The following LAPTM4B variants were observed in gnomAD, a reference collection of about 807,000 sequenced individuals.
The protein encoded by LAPTM4B is lysosomal protein transmembrane 4 beta.
In LAPTM4B, 26 loss-of-function variants were observed where a neutral mutation model predicts 28.5. That is an observed-to-expected ratio of 0.91 (90% CI 0.67 to 1.27). The LOEUF (loss-of-function observed/expected upper bound fraction) is 1.27. LAPTM4B is among the 50% of genes most tolerant of loss of function. LAPTM4B has a pLI of 0.00. For synonymous variants in LAPTM4B, 109 were observed against 106.4 expected (o/e 1.02, Z -0.15); for missense variants, 288 against 285.8 (o/e 1.01, Z -0.06).
intron 5 of LAPTM4B, among the ~76,000 whole-genome samples, chr8:97,820,625 T>G (rs1816988802): frequency 6.6e-6 from 1 of 152,122 alleles, no homozygotes; most frequent in South Asian, 2.1e-4. Context: ...CCCAACACTT[T>G]GGGAGGCTGA....
intron 1 of LAPTM4B, among the ~76,000 whole-genome samples, chr8:97,776,382 C>T (rs1331250837): frequency 6.6e-6 from 1 of 152,202 alleles, no homozygotes; most frequent in Non-Finnish European, 1.5e-5. Flanking sequence ...GGTCGCCGAT[C>T]TCCAGCCTCC....
rs1554588214 is a variant in LAPTM4B at position 97,775,937 on chromosome 8, C to CGGCGGGCTCCTGGCGA, written c.-63_-62insTGGCGAGGCGGGCTCC. 4.8e-6 allele frequency: 7 copies of CGGCGGGCTCCTGGCGA among 1,451,612 alleles called. No homozygotes were observed. The highest frequency in any genetic ancestry group is 5.4e-5 in the Admixed American group (2 of 37,052). The allele number at this position is 1,451,612 out of a possible 1,614,324, so 89.9% of individuals were successfully genotyped here. A position where few individuals can be genotyped will look rare whatever the true frequency, so the allele number is the denominator to read the frequency against. Reference sequence around the variant, plus strand: ...GGCGGAGGAGCCGGCAGCAGCGGCGCGGCGGGCTCCAGGCGAGGCGGTCGA... The same window carrying CGGCGGGCTCCTGGCGA: ...GGCGGAGGAGCCGGCAGCAGCGGCGCGGCGGGCTCCTGGCGAGGCGGGCTCCAGGCGAGGCGGTCGA... On this transcript the variant is annotated 5_prime_UTR_variant, in exon 1 of 7. Transcript: ENST00000521545.
intron 1 of LAPTM4B, among the ~76,000 whole-genome samples, chr8:97,792,558 C>T (rs1425303461): frequency 6.6e-6 from 1 of 151,908 alleles, no homozygotes; most frequent in Non-Finnish European, 1.5e-5. Flanking sequence ...CCTAGCCTAA[C>T]AGTCAATTTT....
chr8:97,775,952 G>C lies in LAPTM4B; in HGVS notation c.-58G>C, dbSNP rs530968796. ...AGCAGCGGCGCGGCGGGCTCCAGGC[G>C]AGGCGGTCGACGCTCCTGAAAACTT... On this transcript the variant is annotated 5_prime_UTR_variant, in exon 1 of 7. Transcript: ENST00000521545. 1 of 1,506,512 alleles carries C rather than the reference G, an allele frequency of 6.6e-7. No individual in the cohort carries two copies. The highest frequency in any genetic ancestry group is 2.9e-5 in the East Asian group (1 of 35,008). 93.3% of individuals were successfully genotyped at this position (1,506,512 alleles called of 1,614,324 possible).
At chr8:97,798,936 A>G (rs991465895) in intron 1 of LAPTM4B, among the ~76,000 whole-genome samples, 16 of 152,370 alleles carry the variant, frequency 1.1e-4, no homozygotes, top group South Asian at 2.1e-4. Context: ...CGACGTCGTC[A>G]TAGTCCTTCC....
Position 97,851,672 on chromosome 8 carries a change from A to G in LAPTM4B, c.*198A>G, listed in dbSNP as rs369877825. On this transcript the variant is annotated 3_prime_UTR_variant, in exon 7 of 7. Coordinates refer to ENST00000521545, the MANE Select transcript of LAPTM4B (RefSeq NM_018407.6). ...TGGAACACTGTGATAGATTAACTGT[A>G]GAATTCTTCCTGTACGATTGGGGAT... 2.7e-4 allele frequency: 160 copies of G among 596,452 alleles called. No homozygotes were observed. The African/African-American group carries it at 2.7e-3, about 10-fold the overall frequency. The allele number at this position is 596,452 out of a possible 1,614,324, so 36.9% of individuals were successfully genotyped here. A position where few individuals can be genotyped will look rare whatever the true frequency, so the allele number is the denominator to read the frequency against.
intron 6 of LAPTM4B, among the ~76,000 whole-genome samples, chr8:97,849,828 C>G (rs546290265): frequency 2.6e-5 from 4 of 152,014 alleles, no homozygotes; most frequent in South Asian, 2.1e-4. Context: ...GCCTGCCCGC[C>G]CCCGGTTCCT....
chr8:97,797,072 G>A (rs558672341), intron 1 of LAPTM4B, among the ~76,000 whole-genome samples: 49 of 152,148 alleles, frequency 3.2e-4, no homozygotes, highest in Admixed American at 2.4e-3. Context: ...AGACCAGGTC[G>A]AGTAATATAG....
intron 2 of LAPTM4B, among the ~76,000 whole-genome samples, chr8:97,807,822 C>T (rs1028836800): frequency 6.6e-6 from 1 of 150,722 alleles, no homozygotes; most frequent in South Asian, 2.1e-4. Context: ...CCATCATCTT[C>T]CACCACTGTT....
intron 6 of LAPTM4B, among the ~76,000 whole-genome samples, chr8:97,840,370 T>C (rs1349420594): frequency 6.6e-6 from 1 of 152,228 alleles, no homozygotes; most frequent in East Asian, 1.9e-4. Flanking sequence ...GAATTAAGGA[T>C]AATAATGGCT....
At chr8:97,835,916 C>T (rs1167486577) in intron 6 of LAPTM4B, among the ~76,000 whole-genome samples, 1 of 152,168 alleles carries the variant, frequency 6.6e-6, no homozygotes, top group African/African-American at 2.4e-5. Context: ...ACAACCTGAG[C>T]ACCACTTACA....
At chr8:97,781,012 C>CT (rs1317297477) in intron 1 of LAPTM4B, among the ~76,000 whole-genome samples, 1 of 149,870 alleles carries the variant, frequency 6.7e-6, no homozygotes. Flanking sequence ...TTTTTTGAGA[C>CT]CGAGTCTCGC....
At chr8:97,849,099 G>GTTCCCAGAAAGTGCGCTTCCCAGAAAGTT (rs1817477499) in intron 6 of LAPTM4B, among the ~76,000 whole-genome samples, 1 of 152,126 alleles carries the variant, frequency 6.6e-6, no homozygotes, top group Non-Finnish European at 1.5e-5. Flanking sequence ...GTTCACTGTA[G>GTTCCCAGAAAGTGCGCTTCCCAGAAAGTT]CAAACACCTT....
chr8:97,831,216 C>T (rs893494917), intron 6 of LAPTM4B, among the ~76,000 whole-genome samples: 1 of 152,028 alleles, frequency 6.6e-6, no homozygotes, highest in Non-Finnish European at 1.5e-5. Flanking sequence ...TGGACTGTTA[C>T]CAGATTGTAC....
At chr8:97,815,706 A>G (rs895760759) in intron 3 of LAPTM4B, among the ~76,000 whole-genome samples, 8 of 152,270 alleles carry the variant, frequency 5.3e-5, no homozygotes, top group African/African-American at 1.9e-4. Flanking sequence ...AGCTGGGACT[A>G]CAGGTGTGTG....
Position 97,840,540 on chromosome 8 carries a change from C to T in LAPTM4B, c.604-10857C>T, listed in dbSNP as rs551415637. On this transcript the variant is annotated intron_variant, in intron 6 of 6. Coordinates refer to ENST00000521545, the MANE Select transcript of LAPTM4B (RefSeq NM_018407.6). The stretch of plus-strand genomic sequence containing the variant: ...AAAATGTGTTTATATTCTCATCTCC[C>T]GATGTCTTAGGTTCACTGAAGACAA... Among the ~76,000 whole-genome samples, 11 of 152,208 alleles carry T rather than the reference C, an allele frequency of 7.2e-5. No homozygotes were observed. The East Asian group carries it at 1.7e-3, about 24-fold the overall frequency.
At position 97,851,727 on chromosome 8, in the gene LAPTM4B, A is replaced by G; in HGVS notation, c.*253A>G. Reference sequence around the variant, plus strand: ...TGGGCTTCACTAACCTTCCCTAGGCATTGAAACTTCCCCCAAATCTGATGG... The same window carrying G: ...TGGGCTTCACTAACCTTCCCTAGGCGTTGAAACTTCCCCCAAATCTGATGG... On this transcript the variant is annotated 3_prime_UTR_variant, in exon 7 of 7. Coordinates refer to ENST00000521545, the MANE Select transcript of LAPTM4B (RefSeq NM_018407.6). The G allele has an allele frequency of 2.0e-6, 1 of 492,596 alleles. No homozygotes were observed. The highest frequency in any genetic ancestry group is 3.6e-6 in the Non-Finnish European group (1 of 278,244). 30.5% of individuals were successfully genotyped at this position (492,596 alleles called of 1,614,324 possible).
At chr8:97,792,649 G>A (rs1182763503) in intron 1 of LAPTM4B, among the ~76,000 whole-genome samples, 2 of 151,616 alleles carry the variant, frequency 1.3e-5, no homozygotes, top group African/African-American at 4.8e-5. Context: ...GCACGATCTC[G>A]GCTCACTGCA....
intron 5 of LAPTM4B, among the ~76,000 whole-genome samples, chr8:97,823,130 A>C (rs2513954): frequency 0.4 from 61,249 of 151,512 alleles, 13,385 homozygotes; most frequent in Middle Eastern, 0.51. Flanking sequence ...TGTGAGCCAC[A>C]ATGCCCGGCC....
Sources: allele counts gnomAD v4.1 joint callset (sites outside exome capture counted in the v4.1 genomes callset), GRCh38; gene constraint gnomAD v4.1.1; transcripts MANE v1.5; gene names NCBI Gene and HGNC (gene_info 2026-07-23, HGNC 2026-07-21).